Variants in FAM171B observed in about 807,000 individuals in gnomAD.
The protein encoded by FAM171B is family with sequence similarity 171 member B, also known as protein FAM171B.
In FAM171B, 19 loss-of-function variants were observed where a neutral mutation model predicts 75.6. The ratio of observed to expected loss-of-function variants is 0.25; its 90% CI spans 0.18 to 0.37. The LOEUF (loss-of-function observed/expected upper bound fraction) is 0.37, where lower values mean the gene tolerates loss of function less well. FAM171B is among the 10% of genes least tolerant of loss of function. The probability of loss-of-function intolerance (pLI) is 1.00; values close to 1 mark genes in which losing one functional copy is unlikely to be tolerated. For missense variants in FAM171B, 848 were observed against 982.4 expected, an observed-to-expected ratio of 0.86 and a Z score of 1.83; for synonymous variants, 367 against 361.7, an observed-to-expected ratio of 1.01 and a Z score of -0.17.
chr2:186,745,571 G>A (rs1455142262), intron 3 of FAM171B, among the ~76,000 whole-genome samples: 2 of 152,202 alleles, frequency 1.3e-5, no homozygotes, highest in Non-Finnish European at 2.9e-5. Context: ...AGGAAAGTAT[G>A]AATGTTTCAT....
At chr2:186,734,027 G>A (rs935569187) in intron 1 of FAM171B, among the ~76,000 whole-genome samples, 3 of 152,084 alleles carry the variant, frequency 2.0e-5, no homozygotes, top group African/African-American at 7.2e-5. Flanking sequence ...CATTCAATGG[G>A]GACTGAGCTT....
chr2:186,710,975 T>A (rs1229646120), intron 1 of FAM171B, among the ~76,000 whole-genome samples: 1 of 152,176 alleles, frequency 6.6e-6, no homozygotes, highest in Admixed American at 6.6e-5. Flanking sequence ...AGCTTCAGGA[T>A]GCCTTCCTTA....
At chr2:186,729,271 A>G (rs568024216) in intron 1 of FAM171B, among the ~76,000 whole-genome samples, 93 of 152,294 alleles carry the variant, frequency 6.1e-4, no homozygotes, top group Middle Eastern at 3.4e-3. Context: ...TGAAAAGATG[A>G]TTATGTGGGC....
At chr2:186,724,180 G>A (rs1391248604) in intron 1 of FAM171B, among the ~76,000 whole-genome samples, 4 of 152,154 alleles carry the variant, frequency 2.6e-5, no homozygotes, top group African/African-American at 9.7e-5. Context: ...GTCCTTGGCC[G>A]GCTTCTGGGA....
At chr2:186,720,700 C>CAAAAAAAAAAAAAAAAA (rs71411184) in intron 1 of FAM171B, among the ~76,000 whole-genome samples, 3 of 110,238 alleles carry the variant, frequency 2.7e-5, no homozygotes, top group African/African-American at 3.5e-5. Flanking sequence ...AGATCATGTA[C>CAAAAAAAAAAAAAAAAA]AAAAAAAAAA....
At chr2:186,707,371 C>A (rs1689746128) in intron 1 of FAM171B, among the ~76,000 whole-genome samples, 1 of 152,090 alleles carries the variant, frequency 6.6e-6, no homozygotes, top group Non-Finnish European at 1.5e-5. Flanking sequence ...GTTAATTTTT[C>A]CCCATCTTTA....
At chr2:186,755,570 A>T (rs17750683) in intron 6 of FAM171B, among the ~76,000 whole-genome samples, 35,256 of 152,186 alleles carry the variant, frequency 0.23, 5,033 homozygotes, top group Middle Eastern at 0.36. Context: ...GACATTTTAC[A>T]TATGTTTATC....
At chr2:186,714,071 A>G (rs1233131570) in intron 1 of FAM171B, among the ~76,000 whole-genome samples, 1 of 152,116 alleles carries the variant, frequency 6.6e-6, no homozygotes, top group Non-Finnish European at 1.5e-5. Context: ...ATTGTGTTGG[A>G]CAGTGTGACT....
At chr2:186,725,359 G>T (rs1219741862) in intron 1 of FAM171B, among the ~76,000 whole-genome samples, 2 of 135,362 alleles carry the variant, frequency 1.5e-5, no homozygotes, top group Non-Finnish European at 3.2e-5. Flanking sequence ...AAAAAAAAAA[G>T]AATTTTACTT....
Position 186,762,021 on chromosome 2 carries a change from C to T in FAM171B, c.1679C>T (p.Ala560Val), listed in dbSNP as rs1690625492. ...TPEQLHTAKS[A>V]TLPRKGQLVY... ...GAACAATTACATACTGCTAAGTCAG[C>T]TACTTTGCCAAGAAAGGGACAGTTA... Residue 560 changes from alanine (A) to valine (V), a missense_variant, in exon 8 of 8, where the codon GCT (alanine) becomes GTT (valine). By Grantham distance (64) the Ala-to-Val change is moderately conservative. This residue lies in a region of FAM171B where 665 missense variants were observed against 729.0 expected (regional missense o/e 0.91). Coordinates refer to ENST00000304698, the MANE Select transcript of FAM171B (RefSeq NM_177454.4). The surrounding 1 kb of genome is among the most constrained non-coding windows in gnomAD (Gnocchi z 4.0). 6.2e-7 allele frequency: 1 copy of T among 1,613,686 alleles called. No individual in the cohort carries two copies. Among genetic ancestry groups the T allele is most frequent in the Non-Finnish European group, 8.5e-7 (1 of 1,179,822 alleles).
intron 1 of FAM171B, among the ~76,000 whole-genome samples, chr2:186,738,792 CTTTCTTCT>C (rs1275487298): frequency 6.6e-6 from 1 of 152,114 alleles, no homozygotes; most frequent in African/African-American, 2.4e-5. Context: ...CACTGCTGTC[CTTTCTTCT>C]TTTTTAATTG....
chr2:186,700,243 T>G (rs1011720968), intron 1 of FAM171B, among the ~76,000 whole-genome samples: 4 of 152,144 alleles, frequency 2.6e-5, no homozygotes, highest in Non-Finnish European at 4.4e-5. Context: ...GTTTTGTTTT[T>G]TTTTTCTTAA....
In FAM171B at chr2:186,756,980, T is replaced by G. The variant is rs552376669; in HGVS notation, c.1012+2931T>G. ...TGTAAAGGTCCTGTGTACAGGAGCT[T>G]TTTCCCCCATAGAGTTGGGGTATAT... On this transcript the variant is annotated intron_variant, in intron 6 of 7. Transcript: ENST00000304698. Among the ~76,000 whole-genome samples, 26 of 152,144 alleles carry G rather than the reference T, an allele frequency of 1.7e-4. No homozygotes were observed. In the East Asian group the frequency reaches 4.6e-3, roughly 27 times the overall value.
At chr2:186,759,117 G>T (rs1690578091) in intron 6 of FAM171B, among the ~76,000 whole-genome samples, 1 of 152,100 alleles carries the variant, frequency 6.6e-6, no homozygotes, top group Non-Finnish European at 1.5e-5. Flanking sequence ...TGTTGTTGCA[G>T]ATGACGGGAT....
chr2:186,703,676 G>A (rs1226555181), intron 1 of FAM171B, among the ~76,000 whole-genome samples: 1 of 152,048 alleles, frequency 6.6e-6, no homozygotes, highest in African/African-American at 2.4e-5. Flanking sequence ...CTGTGTTTTG[G>A]GAAAGGGTAA....
chr2:186,732,941 T>G, intron 1 of FAM171B, among the ~76,000 whole-genome samples: 1 of 152,230 alleles, frequency 6.6e-6, no homozygotes, highest in Non-Finnish European at 1.5e-5. Flanking sequence ...TTCTATCTAT[T>G]GAGAGACAGC....
chr2:186,719,434 G>A (rs1303380842), intron 1 of FAM171B, among the ~76,000 whole-genome samples: 2 of 152,092 alleles, frequency 1.3e-5, no homozygotes, highest in Non-Finnish European at 2.9e-5. Context: ...TTTACCAATG[G>A]AATCCCAAAA....
intron 1 of FAM171B, among the ~76,000 whole-genome samples, chr2:186,714,697 T>A (rs1198452751): frequency 6.6e-6 from 1 of 152,210 alleles, no homozygotes; most frequent in African/African-American, 2.4e-5. Context: ...TAAAATGATC[T>A]TTTTTCTCTG....
chr2:186,709,246 T>C (rs916863791), intron 1 of FAM171B, among the ~76,000 whole-genome samples: 3 of 152,128 alleles, frequency 2.0e-5, no homozygotes, highest in African/African-American at 7.2e-5. Context: ...ACACTGAGGA[T>C]TACATTTCAA....
Sources: gnomAD v4.1 joint callset for allele counts (sites outside exome capture counted in the v4.1 genomes callset) on GRCh38, gnomAD v4.1.1 for gene constraint, gnomAD v4.1.1 regional missense constraint, Gnocchi (gnomAD v3.1) non-coding constraint, MANE v1.5 for transcripts, NCBI Gene and HGNC (gene_info 2026-07-23, HGNC 2026-07-21) for gene names.